The following PGCKA1 variants were observed in gnomAD, a reference collection of about 807,000 sequenced individuals.
PGCKA1 encodes PDCD10 and GCKIII kinases-associated protein 1.
chr4:37,461,685 A>G, the PGCKA1 span, among the ~76,000 whole-genome samples: 2 of 151,994 alleles, frequency 1.3e-5, no homozygotes, highest in South Asian at 4.1e-4. Flanking sequence ...TGTGAGACTG[A>G]TGGAATCGCT....
chr4:37,508,693 G>GTTTTTTTTTTTTTT, the PGCKA1 span, among the ~76,000 whole-genome samples: 208 of 52,716 alleles, frequency 3.9e-3, no homozygotes, highest in Middle Eastern at 0.019. Flanking sequence ...CTTTTTTTTA[G>GTTTTTTTTTTTTTT]TATTTATTGA....
At chr4:37,570,207 C>G in the PGCKA1 span, among the ~76,000 whole-genome samples, 9 of 132,002 alleles carry the variant, frequency 6.8e-5, no homozygotes, top group South Asian at 2.2e-3. Flanking sequence ...ACCGTGTTAG[C>G]CAGGATGGTC....
At chr4:37,548,336 A>T in the PGCKA1 span, among the ~76,000 whole-genome samples, 1 of 152,174 alleles carries the variant, frequency 6.6e-6, no homozygotes, top group Non-Finnish European at 1.5e-5. Flanking sequence ...ATTTTTACCT[A>T]CATTAAAAGG....
chr4:37,490,183 T>G, the PGCKA1 span, among the ~76,000 whole-genome samples: 15 of 152,296 alleles, frequency 9.8e-5, no homozygotes, highest in African/African-American at 3.4e-4. Flanking sequence ...TGTTAATGCA[T>G]AATTCTCATA....
the PGCKA1 span, chr4:37,590,828 A>G: frequency 1.2e-6 from 2 of 1,614,240 alleles, no homozygotes. Flanking sequence ...TTTAATGAGA[A>G]GGGTCCTGTT....
chr4:37,505,109 C>T, the PGCKA1 span, among the ~76,000 whole-genome samples: 31 of 152,274 alleles, frequency 2.0e-4, no homozygotes, highest in Admixed American at 4.6e-4. Flanking sequence ...TACCCAGTTT[C>T]TTAAGGGTTT....
chr4:37,554,529 G>A, the PGCKA1 span, among the ~76,000 whole-genome samples: 16 of 152,170 alleles, frequency 1.1e-4, no homozygotes, highest in South Asian at 2.1e-4. Context: ...TGTACTTTTA[G>A]TAGAGACAAG....
the PGCKA1 span, among the ~76,000 whole-genome samples, chr4:37,530,079 A>C: frequency 2.6e-5 from 4 of 152,226 alleles, no homozygotes; most frequent in African/African-American, 9.6e-5. Context: ...ACTCTTTAAA[A>C]CTTTTTATCT....
the PGCKA1 span, among the ~76,000 whole-genome samples, chr4:37,589,578 A>G: frequency 6.6e-6 from 1 of 151,832 alleles, no homozygotes; most frequent in East Asian, 1.9e-4. Flanking sequence ...ATTTTACTTC[A>G]CCCCTTACCC....
At chr4:37,458,285 AACTC>A in the PGCKA1 span, among the ~76,000 whole-genome samples, 4 of 152,158 alleles carry the variant, frequency 2.6e-5, no homozygotes, top group Non-Finnish European at 2.9e-5. Context: ...TACTATGAAA[AACTC>A]ATTCTATATT....
At chr4:37,569,069 C>A in the PGCKA1 span, among the ~76,000 whole-genome samples, 26 of 151,668 alleles carry the variant, frequency 1.7e-4, 1 homozygote, top group African/African-American at 6.3e-4. Context: ...TGTGCTCCAG[C>A]CTGGGTGACA....
the PGCKA1 span, among the ~76,000 whole-genome samples, chr4:37,535,395 A>G: frequency 6.6e-6 from 1 of 152,184 alleles, no homozygotes; most frequent in Non-Finnish European, 1.5e-5. Flanking sequence ...TTCAAAAAAC[A>G]GAATATTTTT....
At chr4:37,540,277 A>G in the PGCKA1 span, among the ~76,000 whole-genome samples, 1 of 152,356 alleles carries the variant, frequency 6.6e-6, no homozygotes, top group Admixed American at 6.5e-5. Context: ...CATATATAAC[A>G]TTTTTAATGA....
chr4:37,473,292 A>G, the PGCKA1 span, among the ~76,000 whole-genome samples: 1 of 152,216 alleles, frequency 6.6e-6, no homozygotes, highest in Non-Finnish European at 1.5e-5. Flanking sequence ...AAGTTTGGGG[A>G]AAAGTCTTTA....
the PGCKA1 span, among the ~76,000 whole-genome samples, chr4:37,464,301 G>A: frequency 6.6e-6 from 1 of 152,282 alleles, no homozygotes; most frequent in South Asian, 2.1e-4. Context: ...ACTCTCATCG[G>A]GTTTGAATTT....
chr4:37,491,111 TCAGC>T, the PGCKA1 span, among the ~76,000 whole-genome samples: 1 of 152,214 alleles, frequency 6.6e-6, no homozygotes, highest in Non-Finnish European at 1.5e-5. Flanking sequence ...AGAGCAGTCC[TCAGC>T]CAGCCAGCCT....
chr4:37,487,464 G>GT, the PGCKA1 span, among the ~76,000 whole-genome samples: 1 of 151,842 alleles, frequency 6.6e-6, no homozygotes, highest in South Asian at 2.1e-4. Context: ...TTAACTGTAA[G>GT]TTTTTTTTAT....
At chr4:37,539,098 GA>G in the PGCKA1 span, among the ~76,000 whole-genome samples, 1 of 152,128 alleles carries the variant, frequency 6.6e-6, no homozygotes, top group Non-Finnish European at 1.5e-5. Context: ...CCAAGCCAGA[GA>G]TTCACTCCTT....
the PGCKA1 span, among the ~76,000 whole-genome samples, chr4:37,576,576 T>C: frequency 2.0e-5 from 3 of 152,140 alleles, no homozygotes; most frequent in Admixed American, 6.5e-5. Context: ...CTTATTTCTT[T>C]ATGTTGTCTG....
Sources: gnomAD v4.1 joint callset for allele counts (sites outside exome capture counted in the v4.1 genomes callset) on GRCh38, gnomAD v4.1.1 for gene constraint, MANE v1.5 for transcripts, NCBI Gene and HGNC (gene_info 2026-07-23, HGNC 2026-07-21) for gene names.